ZNF385D: variants seen among roughly 807,000 people sequenced by gnomAD.
The protein encoded by ZNF385D is zinc finger protein 385D.
ZNF385D carries 15 observed loss-of-function variants against 35.8 expected under a neutral mutation model. The observed-to-expected ratio is 0.42, with a 90% CI of 0.28 to 0.64. The LOEUF (loss-of-function observed/expected upper bound fraction) is 0.64. Among genes scored for constraint, ZNF385D ranks in the 30% least tolerant of loss-of-function variants. The pLI, the probability that ZNF385D is intolerant of heterozygous loss-of-function variation, is 0.23. For synonymous variants in ZNF385D, 212 were observed against 186.8 expected, an observed-to-expected ratio of 1.13 and a Z score of -1.10; for missense variants, 474 against 494.6, an observed-to-expected ratio of 0.96 and a Z score of 0.39.
intron 5 of ZNF385D, among the ~76,000 whole-genome samples, chr3:21,429,002 T>A (rs1701163709): frequency 6.9e-6 from 1 of 145,278 alleles, no homozygotes; most frequent in Non-Finnish European, 1.5e-5. Context: ...ATATTACGCT[T>A]AAAATCAAGT....
intron 2 of ZNF385D, among the ~76,000 whole-genome samples, chr3:21,602,505 T>A (rs2064328414): frequency 6.9e-6 from 1 of 144,546 alleles, no homozygotes; most frequent in African/African-American, 2.6e-5. Flanking sequence ...GTCTCCTGTT[T>A]CCCTGCATTT....
chr3:21,660,669 A>T (rs1175728901), intron 2 of ZNF385D, among the ~76,000 whole-genome samples: 4 of 152,220 alleles, frequency 2.6e-5, no homozygotes, highest in Non-Finnish European at 4.4e-5. Flanking sequence ...TTTTTTCATG[A>T]TTACCTTCTG....
At chr3:22,119,711 T>A (rs1702988491) in intron 3 of ZNF385D, among the ~76,000 whole-genome samples, 5 of 152,172 alleles carry the variant, frequency 3.3e-5, no homozygotes, top group Admixed American at 6.6e-5. Flanking sequence ...GATATGCTGT[T>A]TTACTATCTC....
chr3:21,962,829 G>T (rs1382344684), intron 3 of ZNF385D, among the ~76,000 whole-genome samples: 3 of 152,046 alleles, frequency 2.0e-5, no homozygotes, highest in East Asian at 3.9e-4. Context: ...TATGTACTAG[G>T]GAAATGTTTC....
At position 21,817,550 on chromosome 3, in the gene ZNF385D, TGCA is replaced by T. The variant is rs937818157; in HGVS notation, c.326-152525_326-152523del. Among the ~76,000 whole-genome samples the T allele has an allele frequency of 1.3e-3, 197 of 152,316 alleles. 1 individual carries two copies. Among genetic ancestry groups the T allele is most frequent in the African/African-American group, 4.6e-3 (190 of 41,574 alleles). On this transcript the variant is annotated intron_variant, in intron 3 of 5. Transcript: ENST00000494108. ...GACACTTCTCAAAATAAGACATTTA[TGCA>T]GCCAACAGACACATGAAAAAATGCT... is the stretch of plus-strand genomic sequence containing the variant.
intron 3 of ZNF385D, among the ~76,000 whole-genome samples, chr3:21,943,556 A>G (rs1264027957): frequency 2.0e-5 from 3 of 150,514 alleles, no homozygotes; most frequent in African/African-American, 7.4e-5. Context: ...AGTATAGATT[A>G]AATTATAAAA....
intron 3 of ZNF385D, among the ~76,000 whole-genome samples, chr3:21,947,411 C>T (rs1488406082): frequency 6.6e-6 from 1 of 151,974 alleles, no homozygotes; most frequent in Non-Finnish European, 1.5e-5. Context: ...TGTGCAATGG[C>T]ACAATCTCGT....
At chr3:21,913,247 T>G (rs965925798) in intron 3 of ZNF385D, among the ~76,000 whole-genome samples, 2 of 152,114 alleles carry the variant, frequency 1.3e-5, no homozygotes, top group African/African-American at 4.8e-5. Flanking sequence ...CATGCAGTGC[T>G]GCAATGCGTG....
chr3:21,911,365 A>T (rs1699953695), intron 3 of ZNF385D, among the ~76,000 whole-genome samples: 1 of 151,966 alleles, frequency 6.6e-6, no homozygotes, highest in African/African-American at 2.4e-5. Context: ...TGTAGATCAC[A>T]GGTTTTATGG....
At chr3:22,100,635 G>T (rs912984562) in intron 3 of ZNF385D, among the ~76,000 whole-genome samples, 1 of 143,228 alleles carries the variant, frequency 7.0e-6, no homozygotes, top group African/African-American at 2.6e-5. Context: ...ATTGAACAAT[G>T]AGAACACATG....
chr3:22,356,173 A>G (rs1030414321), intron 2 of ZNF385D, among the ~76,000 whole-genome samples: 1 of 152,002 alleles, frequency 6.6e-6, no homozygotes, highest in Non-Finnish European at 1.5e-5. Flanking sequence ...TCAAGACACC[A>G]AATCATACAA....
chr3:22,085,182 G>A (rs1315906334), intron 3 of ZNF385D, among the ~76,000 whole-genome samples: 3 of 152,082 alleles, frequency 2.0e-5, no homozygotes, highest in African/African-American at 7.2e-5. Flanking sequence ...AGAAGCAAGA[G>A]CGAACAAATT....
intron 3 of ZNF385D, among the ~76,000 whole-genome samples, chr3:21,952,701 T>A (rs1010035359): frequency 6.6e-6 from 1 of 152,006 alleles, no homozygotes; most frequent in East Asian, 1.9e-4. Flanking sequence ...ATTTATTTCA[T>A]ATAATTATGG....
chr3:21,487,686 C>CT lies in ZNF385D; in HGVS notation c.439+23174dup, dbSNP rs546487030. Among the ~76,000 whole-genome samples, 426 of 152,212 alleles carry CT rather than the reference C, an allele frequency of 2.8e-3. 1 individual carries two copies. The highest frequency in any genetic ancestry group is 9.9e-3 in the African/African-American group (412 of 41,560). On this transcript the variant is annotated intron_variant, in intron 4 of 7. Coordinates refer to ENST00000281523, the MANE Select transcript of ZNF385D (RefSeq NM_024697.3). The stretch of plus-strand genomic sequence containing the variant: ...AACCTTCCCTAACAGAAGCAACATG[C>CT]TTAGCACTCAGGATCAGTCCTCTGA...
intron 3 of ZNF385D, among the ~76,000 whole-genome samples, chr3:21,544,384 T>A (rs900041889): frequency 6.6e-6 from 1 of 152,216 alleles, no homozygotes; most frequent in Non-Finnish European, 1.5e-5. Context: ...TTTATCGACA[T>A]TACTAGAAAT....
chr3:21,666,411 TC>T (rs1318208824), intron 1 of ZNF385D, among the ~76,000 whole-genome samples: 1 of 152,050 alleles, frequency 6.6e-6, no homozygotes, highest in African/African-American at 2.4e-5. Context: ...AACAGTATTT[TC>T]CCCCACTGTC....
intron 2 of ZNF385D, among the ~76,000 whole-genome samples, chr3:21,571,370 C>G (rs1040919353): frequency 5.3e-5 from 8 of 152,088 alleles, no homozygotes; most frequent in Non-Finnish European, 1.2e-4. Context: ...AGTTGGGTTG[C>G]TTTCCATGTT....
At chr3:22,132,387 A>G (rs146682876) in intron 3 of ZNF385D, among the ~76,000 whole-genome samples, 2 of 152,162 alleles carry the variant, frequency 1.3e-5, no homozygotes, top group Admixed American at 6.6e-5. Context: ...AGATAAATAC[A>G]TTTCTGCTAT....
chr3:22,332,796 C>A (rs1015129244), intron 2 of ZNF385D, among the ~76,000 whole-genome samples: 1 of 151,940 alleles, frequency 6.6e-6, no homozygotes, highest in African/African-American at 2.4e-5. Context: ...CTAATAATTG[C>A]TATGTTTCTG....
Sources: gnomAD v4.1 joint callset for allele counts (sites outside exome capture counted in the v4.1 genomes callset) on GRCh38, gnomAD v4.1.1 for gene constraint, MANE v1.5 for transcripts, NCBI Gene and HGNC (gene_info 2026-07-23, HGNC 2026-07-21) for gene names.